The following PCDHGB2 variants were observed in gnomAD, a reference collection of about 807,000 sequenced individuals.
PCDHGB2 encodes the protein protocadherin gamma subfamily B, 2.
In PCDHGB2, 55 loss-of-function variants were observed where a neutral mutation model predicts 59.3. The ratio of observed to expected loss-of-function variants is 0.93; its 90% CI spans 0.75 to 1.16. The LOEUF (loss-of-function observed/expected upper bound fraction) is 1.16. Ranked by LOEUF, PCDHGB2 falls within the 50% of genes most tolerant of loss-of-function variation. PCDHGB2 has a pLI of 0.00. For synonymous variants in PCDHGB2, 516 were observed against 512.0 expected, an observed-to-expected ratio of 1.01 and a Z score of -0.11; for missense variants, 1,228 against 1,198.5, an observed-to-expected ratio of 1.02 and a Z score of -0.36.
rs376967719 is a variant in PCDHGB2 at position 141,361,701 on chromosome 5, T to A, written c.1566T>A (p.His522Gln). 4.0e-5 allele frequency: 65 copies of A among 1,613,296 alleles called. No individual in the cohort carries two copies. The highest frequency in any genetic ancestry group is 5.5e-5 in the Non-Finnish European group (65 of 1,179,846). The change falls in exon 1 of 4, where the codon CAT becomes CAA. Residue 522 changes from histidine to glutamine, a missense_variant. By Grantham distance (24) the His-to-Gln change is conservative. This residue lies in a region of PCDHGB2 where 781 missense variants were observed against 721.6 expected (regional missense o/e 1.08). Coordinates refer to ENST00000522605, the MANE Select transcript of PCDHGB2 (RefSeq NM_018923.3). The part of the protein sequence containing the change: ...GVVFAQRAFD[H>Q]EQLRAFELTL... The stretch of plus-strand genomic sequence containing the variant: ...TGTTCGCGCAGCGCGCCTTCGATCA[T>A]GAGCAGCTGCGCGCCTTCGAGCTCA...
At position 141,360,346 on chromosome 5, in the gene PCDHGB2, G is replaced by T; in HGVS notation, c.211G>T (p.Glu71Ter). ...AGCCCGGAAGCTGCGGGTTAGCGCG[G>T]AGAAGGAATATTTCACAGTAAACCC... ...LPARKLRVSA[E>*]KEYFTVNPES... The change falls in exon 1 of 4, where the codon GAG (glutamate) becomes TAG (stop). Residue 71 changes from glutamate to a stop codon, truncating the protein, a stop_gained. Coordinates refer to ENST00000522605, the MANE Select transcript of PCDHGB2 (RefSeq NM_018923.3). LOFTEE classifies it high-confidence loss of function. 6.2e-7 allele frequency: 1 copy of T among 1,613,922 alleles called. No individual in the cohort carries two copies. Among genetic ancestry groups the T allele is most frequent in the Middle Eastern group, 1.6e-4 (1 of 6,062 alleles).
chr5:141,428,181 A>G, intron 1 of PCDHGB2: 2 of 1,486,230 alleles, frequency 1.3e-6, no homozygotes, highest in Non-Finnish European at 1.8e-6. Flanking sequence ...GACGGAGGAC[A>G]GCCGCCGCTC....
Position 141,505,427 on chromosome 5 carries a change from A to G in PCDHGB2, c.2515A>G (p.Asn839Asp), listed in dbSNP as rs1453435374. Reference protein sequence around the residue: ...QNGDDTGTWPNNQFDTEMLQA... With the variant: ...QNGDDTGTWPDNQFDTEMLQA... The stretch of plus-strand genomic sequence containing the variant: ...TGGCGATGACACCGGCACCTGGCCC[A>G]ACAACCAGTTTGACACAGAGATGCT... The change falls in exon 3 of 4, where the codon AAC (asparagine) becomes GAC (aspartate). Residue 839 changes from asparagine to aspartate, a missense_variant. Physicochemically the swap from Asn to Asp is conservative, Grantham distance 23 (BLOSUM62 1). Around this residue, in one of 3 missense-constraint regions of PCDHGB2, gnomAD observed 433 missense variants for 441.8 expected, o/e 0.98. Coordinates refer to ENST00000522605, the MANE Select transcript of PCDHGB2 (RefSeq NM_018923.3). 1 of 1,614,230 alleles carries G rather than the reference A, an allele frequency of 6.2e-7. No individual in the cohort carries two copies. Among genetic ancestry groups the G allele is most frequent in the East Asian group, 2.2e-5 (1 of 44,878 alleles).
intron 1 of PCDHGB2, chr5:141,415,974 CAA>C (rs1192315813): frequency 2.7e-6 from 1 of 375,644 alleles, no homozygotes; most frequent in Non-Finnish European, 4.4e-6. Context: ...GCCCCTTAAG[CAA>C]CCCTCTTGTT....
intron 1 of PCDHGB2, chr5:141,385,452 G>A: frequency 6.9e-7 from 1 of 1,446,532 alleles, no homozygotes; most frequent in Non-Finnish European, 9.1e-7. Context: ...GAGTTTACCA[G>A]TTTCCTTCAG....
intron 1 of PCDHGB2, chr5:141,478,259 T>G: frequency 6.2e-7 from 1 of 1,614,182 alleles, no homozygotes. Context: ...AGTAATCATA[T>G]TCAAAGTTTA....
chr5:141,373,242 C>T (rs1241005147), intron 1 of PCDHGB2, among the ~76,000 whole-genome samples: 1 of 152,106 alleles, frequency 6.6e-6, no homozygotes, highest in Non-Finnish European at 1.5e-5. Context: ...TTTTTACTTC[C>T]CTTTGCATGT....
At chr5:141,380,084 G>C (rs1452303755) in intron 1 of PCDHGB2, among the ~76,000 whole-genome samples, 1 of 151,830 alleles carries the variant, frequency 6.6e-6, no homozygotes, top group Non-Finnish European at 1.5e-5. Flanking sequence ...ACTTTTAGTA[G>C]AGATGGGGTT....
chr5:141,427,205 C>T lies in PCDHGB2; in HGVS notation c.2421+64649C>T, dbSNP rs73280903. 3.4e-3 allele frequency: 1,562 copies of T among 456,606 alleles called. 21 individuals carry two copies. Among genetic ancestry groups the T allele is most frequent in the African/African-American group, 0.028 (1,422 of 50,136 alleles). 28.3% of individuals were successfully genotyped at this position (456,606 alleles called of 1,614,324 possible). Reference sequence around the variant, plus strand: ...TTAAATCCAAAGACTTAATAGACTTCGAATTTCGTAGCAGTTATACCATGA... The same window carrying T: ...TTAAATCCAAAGACTTAATAGACTTTGAATTTCGTAGCAGTTATACCATGA... On this transcript the variant is annotated intron_variant, in intron 1 of 3. Transcript: ENST00000522605.
rs553440220 is a variant in PCDHGB2, at chr5:141,362,413, T to C, written c.2278T>C (p.Ser760Pro). 178 of 1,614,024 alleles carry C rather than the reference T, an allele frequency of 1.1e-4. No homozygotes were observed. The highest frequency in any genetic ancestry group is 1.4e-4 in the Non-Finnish European group (170 of 1,179,892). Residue 760 changes from serine (S) to proline (P), a missense_variant, in exon 1 of 4, where the codon TCA becomes CCA. Ser to Pro is a moderately conservative substitution (Grantham distance 74). Around this residue, in one of 3 missense-constraint regions of PCDHGB2, gnomAD observed 433 missense variants for 441.8 expected, o/e 0.98. Coordinates refer to ENST00000522605, the MANE Select transcript of PCDHGB2 (RefSeq NM_018923.3). ...YSYNLCVASQ[S>P]AKTEFNFLNI... Reference sequence around the variant, plus strand: ...CTACAACCTGTGTGTTGCCTCACAATCAGCCAAGACAGAGTTCAATTTTCT... The same window carrying C: ...CTACAACCTGTGTGTTGCCTCACAACCAGCCAAGACAGAGTTCAATTTTCT...
At chr5:141,492,527 G>A (rs1000672383) in intron 1 of PCDHGB2, among the ~76,000 whole-genome samples, 1 of 152,184 alleles carries the variant, frequency 6.6e-6, no homozygotes, top group African/African-American at 2.4e-5. Flanking sequence ...TCTCCCACCT[G>A]CGCCCCGGGC....
intron 1 of PCDHGB2, chr5:141,430,780 C>G: frequency 6.6e-7 from 1 of 1,511,476 alleles, no homozygotes; most frequent in Non-Finnish European, 8.8e-7. Context: ...CGCGACTGCA[C>G]CGGGACTACA....
intron 1 of PCDHGB2, chr5:141,387,922 G>A (rs764365334): frequency 2.0e-6 from 3 of 1,478,496 alleles, no homozygotes; most frequent in African/African-American, 2.8e-5. Context: ...CGGGCTGAGA[G>A]GCTGCCAGTG....
intron 1 of PCDHGB2, chr5:141,392,699 T>C: frequency 2.4e-6 from 3 of 1,248,768 alleles, no homozygotes; most frequent in South Asian, 3.3e-5. Context: ...CGACCCCTGT[T>C]TGGAGGCACT....
chr5:141,409,850 G>A lies in PCDHGB2; in HGVS notation c.2421+47294G>A. ...GCTCAGCGCCAACGTGAGCCTGCGC[G>A]TGTTGGTGGGAGACCGCAATGACAA... On this transcript the variant is annotated intron_variant, in intron 1 of 3. Transcript: ENST00000522605. 6.2e-7 allele frequency: 1 copy of A among 1,612,142 alleles called. No individual in the cohort carries two copies. Among genetic ancestry groups the A allele is most frequent in the African/African-American group, 1.3e-5 (1 of 75,014 alleles).
At chr5:141,364,319 A>G in intron 1 of PCDHGB2, 1 of 1,525,796 alleles carries the variant, frequency 6.6e-7, no homozygotes, top group Non-Finnish European at 8.8e-7. Context: ...AAAATTGGGC[A>G]GAGAGAAGGC....
chr5:141,436,931 G>A (rs1026520169), intron 1 of PCDHGB2, among the ~76,000 whole-genome samples: 1 of 152,114 alleles, frequency 6.6e-6, no homozygotes, highest in Non-Finnish European at 1.5e-5. Context: ...CTTTTTCTTT[G>A]TCTGAACCAT....
At chr5:141,363,694 A>G (rs1278422329) in intron 1 of PCDHGB2, among the ~76,000 whole-genome samples, 1 of 152,244 alleles carries the variant, frequency 6.6e-6, no homozygotes, top group African/African-American at 2.4e-5. Context: ...ACTTACATAA[A>G]TCAGTAGGCC....
intron 1 of PCDHGB2, chr5:141,417,389 A>C (rs578088616): frequency 2.5e-4 from 39 of 154,566 alleles, no homozygotes; most frequent in Admixed American, 4.5e-4. Flanking sequence ...ATTTTGAAGA[A>C]AAAATATTCA....
Sources: gnomAD v4.1 joint callset for allele counts (sites outside exome capture counted in the v4.1 genomes callset) on GRCh38, gnomAD v4.1.1 for gene constraint, gnomAD v4.1.1 regional missense constraint, MANE v1.5 for transcripts, NCBI Gene and HGNC (gene_info 2026-07-23, HGNC 2026-07-21) for gene names.